The following DNAH14 variants were observed in gnomAD, a reference collection of about 807,000 sequenced individuals.
DNAH14 encodes axonemal beta dynein heavy chain 14.
Under a neutral mutation model 520.9 loss-of-function variants are expected in DNAH14, and 478 were observed. The ratio of observed to expected loss-of-function variants is 0.92; its 90% CI spans 0.85 to 0.99. The LOEUF (loss-of-function observed/expected upper bound fraction) is 0.99, where lower values mean the gene tolerates loss of function less well. DNAH14 is among the 50% of genes least tolerant of loss of function. The pLI, the probability that DNAH14 is intolerant of heterozygous loss-of-function variation, is 0.00. For synonymous variants in DNAH14, 1,581 were observed against 1,757.2 expected (o/e 0.90, Z 2.51); for missense variants, 4,831 against 5,234.5 (o/e 0.92, Z 2.38).
chr1:225,275,532 T>C (rs2093445220), intron 52 of DNAH14, among the ~76,000 whole-genome samples: 1 of 152,202 alleles, frequency 6.6e-6, no homozygotes, highest in Non-Finnish European at 1.5e-5. Context: ...TGCAGAACTG[T>C]AGTGGTAAAC....
intron 15 of DNAH14, among the ~76,000 whole-genome samples, chr1:225,047,412 A>G (rs1453533539): frequency 1.3e-5 from 2 of 152,208 alleles, no homozygotes; most frequent in Non-Finnish European, 2.9e-5. Flanking sequence ...ATAATACCAT[A>G]CTTTTGCTGT....
chr1:225,003,061 A>C, intron 9 of DNAH14, 134 bp downstream of exon 9: 1 of 803,932 alleles, frequency 1.2e-6, no homozygotes. Context: ...CCGTTCTAAA[A>C]TATCTGCAAA....
intron 25 of DNAH14, among the ~76,000 whole-genome samples, chr1:225,118,901 A>AG (rs1553459109): frequency 2.0e-5 from 3 of 151,506 alleles, no homozygotes; most frequent in Non-Finnish European, 4.4e-5. Flanking sequence ...AAAAAAAAAA[A>AG]AAAGAAAAGA....
At chr1:224,939,054 A>G (rs923906109) in intron 1 of DNAH14, among the ~76,000 whole-genome samples, 2 of 152,212 alleles carry the variant, frequency 1.3e-5, no homozygotes, top group African/African-American at 4.8e-5. Flanking sequence ...TGGAAAAAGA[A>G]TAAATATATT....
At position 225,381,569 on chromosome 1, in the gene DNAH14, C is replaced by T. The variant is rs1340087808; in HGVS notation, c.13067C>T (p.Thr4356Ile). The change falls in exon 81 of 86, where the codon ACA (threonine) becomes ATA (isoleucine). Residue 4356 changes from threonine (T) to isoleucine (I), a missense_variant. Thr to Ile is a moderately conservative substitution (Grantham distance 89). Coordinates refer to ENST00000682510, the MANE Select transcript of DNAH14 (RefSeq NM_001367479.1). ...FNSFLNMRVPTLWQKHAYRSC... is the reference protein window; with the variant it reads ...FNSFLNMRVPILWQKHAYRSC... Reference sequence around the variant, plus strand: ...TCTTTTCTTAATATGAGAGTGCCTACATTGTGGCAGGTAAGCAATTATTAT... The same window carrying T: ...TCTTTTCTTAATATGAGAGTGCCTATATTGTGGCAGGTAAGCAATTATTAT... 9 of 1,512,000 alleles carry T rather than the reference C, an allele frequency of 6.0e-6. No homozygotes were observed. The Admixed American group carries it at 7.6e-5, about 13-fold the overall frequency. 93.7% of individuals were successfully genotyped at this position (1,512,000 alleles called of 1,614,324 possible).
chr1:224,998,006 G>C (rs2063509081), intron 8 of DNAH14, among the ~76,000 whole-genome samples: 1 of 151,994 alleles, frequency 6.6e-6, no homozygotes, highest in Non-Finnish European at 1.5e-5. Context: ...TTTCACATTG[G>C]GTGAGTTGTT....
intron 41 of DNAH14, among the ~76,000 whole-genome samples, chr1:225,230,081 G>A (rs1321663324): frequency 6.6e-6 from 1 of 151,730 alleles, no homozygotes; most frequent in African/African-American, 2.4e-5. Flanking sequence ...CATATACTCT[G>A]GTCTACTATC....
intron 8 of DNAH14, among the ~76,000 whole-genome samples, chr1:224,974,461 G>A (rs2061682072): frequency 6.6e-6 from 1 of 152,104 alleles, no homozygotes; most frequent in Non-Finnish European, 1.5e-5. Context: ...ATCTTATTTT[G>A]TTAGGATCTC....
Position 225,043,032 on chromosome 1 carries a change from CA to C in DNAH14, c.1692del (p.Lys564AsnfsTer52). On this transcript the variant is annotated frameshift_variant, in exon 13 of 86. Coordinates refer to ENST00000682510, the MANE Select transcript of DNAH14 (RefSeq NM_001367479.1). LOFTEE classifies it high-confidence loss of function. The stretch of plus-strand genomic sequence containing the variant: ...TGTCAGAAAATAAAGACAATTGTGT[CA>C]AAAAACACTCAAGTGAAGAATTGCT... ...EMSENKDNCV[K>X]KHSSEELLPK... 6 of 1,551,078 alleles carry C rather than the reference CA, an allele frequency of 3.9e-6. No homozygotes were observed. Among genetic ancestry groups the C allele is most frequent in the Non-Finnish European group, 5.2e-6 (6 of 1,146,758 alleles).
At chr1:225,276,999 A>AGGG (rs1558242269) in intron 53 of DNAH14, among the ~76,000 whole-genome samples, 534 of 41,712 alleles carry the variant, frequency 0.013, 20 homozygotes, top group Non-Finnish European at 0.013. Context: ...GGGAGGAAGG[A>AGGG]AGGGAGGGAG....
intron 11 of DNAH14, among the ~76,000 whole-genome samples, chr1:225,037,559 C>A (rs747724881): frequency 6.6e-6 from 1 of 152,036 alleles, no homozygotes; most frequent in African/African-American, 2.4e-5. Flanking sequence ...TTTATTGTTT[C>A]TTTTTATATC....
At chr1:225,321,631 A>G (rs753247759) in intron 61 of DNAH14, among the ~76,000 whole-genome samples, 3 of 152,188 alleles carry the variant, frequency 2.0e-5, no homozygotes, top group African/African-American at 4.8e-5. Flanking sequence ...CACAGCAACC[A>G]TCACCCCCTT....
At chr1:225,015,335 G>C (rs1234529527) in intron 10 of DNAH14, among the ~76,000 whole-genome samples, 1 of 152,138 alleles carries the variant, frequency 6.6e-6, no homozygotes, top group Non-Finnish European at 1.5e-5. Flanking sequence ...TGTAATTTTA[G>C]ATTGTTTTCT....
intron 71 of DNAH14, among the ~76,000 whole-genome samples, chr1:225,347,389 A>G (rs1338408418): frequency 6.6e-6 from 1 of 152,186 alleles, no homozygotes; most frequent in Non-Finnish European, 1.5e-5. Context: ...CATTTGACAC[A>G]TGCCTATTCA....
intron 19 of DNAH14, among the ~76,000 whole-genome samples, chr1:225,082,171 G>GGAGTGTGTGTGTGTGTGTGT: frequency 6.9e-6 from 1 of 145,322 alleles, no homozygotes; most frequent in Non-Finnish European, 1.5e-5. Flanking sequence ...GAATGTTTGT[G>GGAGTGTGTGTGTGTGTGTGT]GTGTGTGTGT....
At chr1:225,118,219 G>T in intron 25 of DNAH14, 4 of 561,464 alleles carry the variant, frequency 7.1e-6, no homozygotes, top group East Asian at 3.0e-5. Flanking sequence ...CAAACTCCTG[G>T]GTGCATTCTA....
At chr1:225,321,307 A>G (rs942721958) in intron 61 of DNAH14, among the ~76,000 whole-genome samples, 1 of 152,214 alleles carries the variant, frequency 6.6e-6, no homozygotes, top group Admixed American at 6.5e-5. Context: ...ACAGTCAGAA[A>G]AAATAACTAT....
At chr1:225,244,965 C>T (rs544775134) in intron 43 of DNAH14, among the ~76,000 whole-genome samples, 10 of 151,990 alleles carry the variant, frequency 6.6e-5, no homozygotes, top group African/African-American at 9.7e-5. Flanking sequence ...AGATCTTTCC[C>T]GCTTTCTGAT....
In DNAH14 at chr1:225,076,372, T is replaced by C. The variant is rs192411754; in HGVS notation, c.2425-2835T>C. 2.6e-5 allele frequency among the ~76,000 whole-genome samples: 4 copies of C among 152,298 alleles called. No individual in the cohort carries two copies. The East Asian group carries it at 7.7e-4, about 29-fold the overall frequency. ...TGATGGGCCTGGTATTGGAATAAAA[T>C]TGTCCTTCTTTCTGTCTTCAGTGTG... On this transcript the variant is annotated intron_variant, in intron 17 of 85. Coordinates refer to ENST00000682510, the MANE Select transcript of DNAH14 (RefSeq NM_001367479.1).
Sources: gnomAD v4.1 joint callset for allele counts (sites outside exome capture counted in the v4.1 genomes callset) on GRCh38, gnomAD v4.1.1 for gene constraint, MANE v1.5 for transcripts, NCBI Gene and HGNC (gene_info 2026-07-23, HGNC 2026-07-21) for gene names.